The following DPP10 variants were observed in gnomAD, a reference collection of about 807,000 sequenced individuals.
DPP10 encodes the protein dipeptidyl peptidase like 10.
A neutral mutation model predicts 120.9 loss-of-function variants in DPP10; 33 were observed. The observed-to-expected ratio is 0.27, with a 90% CI of 0.21 to 0.37. DPP10 has a LOEUF of 0.37. Among genes scored for constraint, DPP10 ranks in the 10% least tolerant of loss-of-function variants. The probability of loss-of-function intolerance (pLI) is 1.00; values close to 1 mark genes in which losing one functional copy is unlikely to be tolerated. For missense variants in DPP10, 816 were observed against 942.8 expected (o/e 0.87, Z 1.76); for synonymous variants, 337 against 326.1 (o/e 1.03, Z -0.36).
intron 5 of DPP10, among the ~76,000 whole-genome samples, chr2:115,540,642 T>C (rs1159809033): frequency 6.6e-6 from 1 of 151,888 alleles, no homozygotes; most frequent in Non-Finnish European, 1.5e-5. Context: ...CTTAAACTAG[T>C]TTTGCACCTA....
chr2:114,588,041 G>T (rs1306546130), intron 1 of DPP10, among the ~76,000 whole-genome samples: 1 of 152,154 alleles, frequency 6.6e-6, no homozygotes, highest in South Asian at 2.1e-4. Context: ...TAGAAGCTGC[G>T]CTATTTTAGC....
At chr2:115,675,020 G>A (rs35746481) in intron 5 of DPP10, among the ~76,000 whole-genome samples, 96,469 of 151,942 alleles carry the variant, frequency 0.63, 32,685 homozygotes, top group East Asian at 0.91. Flanking sequence ...CTCAAGGTTA[G>A]TTATTGTCAA....
chr2:114,614,057 A>G (rs1573794162), intron 1 of DPP10, among the ~76,000 whole-genome samples: 1 of 152,222 alleles, frequency 6.6e-6, no homozygotes, highest in Non-Finnish European at 1.5e-5. Context: ...GATAGGTGCA[A>G]CAAACCACCA....
chr2:114,833,588 G>T (rs1415894074), intron 1 of DPP10: 1 of 152,126 alleles, frequency 6.6e-6, no homozygotes. Flanking sequence ...ATAATTTTGG[G>T]CACTGAATTT....
chr2:115,067,694 T>G (rs960589898), intron 1 of DPP10, among the ~76,000 whole-genome samples: 3 of 147,516 alleles, frequency 2.0e-5, no homozygotes, highest in Non-Finnish European at 4.5e-5. Context: ...AAACCCCGTC[T>G]CTACTAAAAA....
chr2:114,664,832 C>T (rs1402629581), intron 1 of DPP10, among the ~76,000 whole-genome samples: 1 of 149,614 alleles, frequency 6.7e-6, no homozygotes, highest in South Asian at 2.1e-4. Context: ...CAAAAGATGG[C>T]AGAGAGCATC....
intron 3 of DPP10, among the ~76,000 whole-genome samples, chr2:115,353,601 C>G (rs1410160399): frequency 6.6e-6 from 1 of 152,034 alleles, no homozygotes; most frequent in Non-Finnish European, 1.5e-5. Flanking sequence ...AGGAATTTAC[C>G]TAATACGTGT....
chr2:115,806,525 TA>T, intron 19 of DPP10, among the ~76,000 whole-genome samples: 1 of 152,056 alleles, frequency 6.6e-6, no homozygotes, highest in East Asian at 1.9e-4. Flanking sequence ...GGTAAAGGAT[TA>T]TATAGTTAGA....
chr2:114,554,826 C>T (rs142207451), intron 1 of DPP10, among the ~76,000 whole-genome samples: 37 of 152,298 alleles, frequency 2.4e-4, no homozygotes, highest in African/African-American at 6.7e-4. Flanking sequence ...ACAGCATGCA[C>T]GGACATTTGC....
At chr2:114,840,615 C>T (rs1167855157) in intron 1 of DPP10, among the ~76,000 whole-genome samples, 2 of 152,042 alleles carry the variant, frequency 1.3e-5, no homozygotes, top group African/African-American at 4.8e-5. Flanking sequence ...ACATTCAAAG[C>T]TTTCAGTTAA....
At chr2:115,342,706 A>T (rs1468103255) in intron 2 of DPP10, among the ~76,000 whole-genome samples, 1 of 152,296 alleles carries the variant, frequency 6.6e-6, no homozygotes, top group South Asian at 2.1e-4. Context: ...TCATCACCTA[A>T]CAGCATTTCG....
chr2:114,816,450 G>C (rs1685647883), intron 1 of DPP10, among the ~76,000 whole-genome samples: 1 of 152,112 alleles, frequency 6.6e-6, no homozygotes, highest in African/African-American at 2.4e-5. Context: ...ATCGTTTGCT[G>C]ACCCCTCCCT....
At chr2:115,110,805 TATC>T (rs1301877448) in intron 1 of DPP10, among the ~76,000 whole-genome samples, 1 of 152,156 alleles carries the variant, frequency 6.6e-6, no homozygotes, top group Non-Finnish European at 1.5e-5. Flanking sequence ...CTTTAGATAG[TATC>T]ATTTTATTTT....
At chr2:115,588,784 A>G (rs2082447319) in intron 5 of DPP10, among the ~76,000 whole-genome samples, 1 of 152,214 alleles carries the variant, frequency 6.6e-6, no homozygotes, top group South Asian at 2.1e-4. Flanking sequence ...AAATGAATGA[A>G]TTAAAGAATG....
chr2:115,086,552 G>A (rs1708719533), intron 1 of DPP10, among the ~76,000 whole-genome samples: 1 of 151,006 alleles, frequency 6.6e-6, no homozygotes, highest in Admixed American at 6.6e-5. Flanking sequence ...CGCCTTCCGG[G>A]TTCACACCAT....
chr2:114,463,913 A>G (rs1389796448), intron 1 of DPP10, among the ~76,000 whole-genome samples: 2 of 152,170 alleles, frequency 1.3e-5, no homozygotes, highest in Non-Finnish European at 2.9e-5. Context: ...CTTTTCAGAT[A>G]GGCTTTTTTT....
At chr2:115,224,240 T>C (rs1270371569) in intron 1 of DPP10, among the ~76,000 whole-genome samples, 1 of 152,036 alleles carries the variant, frequency 6.6e-6, no homozygotes, top group Admixed American at 6.6e-5. Context: ...TCCTGAAATC[T>C]GAAGGATGAA....
chr2:115,402,527 T>C (rs2068145779), intron 3 of DPP10, among the ~76,000 whole-genome samples: 1 of 151,708 alleles, frequency 6.6e-6, no homozygotes, highest in Admixed American at 6.6e-5. Flanking sequence ...CACCAGTACA[T>C]TGGATAACTT....
chr2:115,105,593 G>A (rs535216735), intron 1 of DPP10, among the ~76,000 whole-genome samples: 19 of 152,230 alleles, frequency 1.2e-4, no homozygotes, highest in Admixed American at 3.3e-4. Context: ...CTCCCACTTG[G>A]CCCTATATCC....
Sources: allele counts gnomAD v4.1 joint callset (sites outside exome capture counted in the v4.1 genomes callset), GRCh38; gene constraint gnomAD v4.1.1; transcripts MANE v1.5; gene names NCBI Gene and HGNC (gene_info 2026-07-23, HGNC 2026-07-21).